SLC10A7: variants seen among roughly 807,000 people sequenced by gnomAD.
SLC10A7 encodes the protein sodium/bile acid cotransporter 7.
A neutral mutation model predicts 43.2 loss-of-function variants in SLC10A7; 29 were observed. The observed-to-expected ratio is 0.67, with a 90% CI of 0.50 to 0.92. The LOEUF (loss-of-function observed/expected upper bound fraction) is 0.92, where lower values mean the gene tolerates loss of function less well. Ranked by LOEUF, SLC10A7 falls within the 40% of genes least tolerant of loss-of-function variation. The pLI is 0.00. For synonymous variants in SLC10A7, 152 were observed against 144.8 expected (o/e 1.05, Z -0.35); for missense variants, 295 against 403.2 (o/e 0.73, Z 2.30).
At chr4:146,404,616 T>C (rs1739455043) in intron 5 of SLC10A7, among the ~76,000 whole-genome samples, 1 of 152,002 alleles carries the variant, frequency 6.6e-6, no homozygotes, top group African/African-American at 2.4e-5. Context: ...TCCTCACCTA[T>C]ATATTGCTTC....
chr4:146,304,876 T>A (rs1731437004), intron 7 of SLC10A7, among the ~76,000 whole-genome samples: 1 of 152,074 alleles, frequency 6.6e-6, no homozygotes, highest in Non-Finnish European at 1.5e-5. Context: ...TATTAATGTG[T>A]GGGAGTCTAA....
At chr4:146,497,668 T>C (rs963659063) in intron 4 of SLC10A7, among the ~76,000 whole-genome samples, 4 of 152,186 alleles carry the variant, frequency 2.6e-5, no homozygotes, top group Non-Finnish European at 4.4e-5. Context: ...AAACCCTACC[T>C]TTCTTGCTTT....
intron 5 of SLC10A7, among the ~76,000 whole-genome samples, chr4:146,398,294 C>T (rs976148286): frequency 6.6e-6 from 1 of 152,094 alleles, no homozygotes; most frequent in East Asian, 1.9e-4. Flanking sequence ...TACATACACT[C>T]GTATATACAC....
In SLC10A7 at chr4:146,296,809, T is replaced by A. The variant is rs1483938660; in HGVS notation, c.556-2714A>T. Among the ~76,000 whole-genome samples the A allele has an allele frequency of 3.3e-5, 5 of 152,266 alleles. No individual in the cohort carries two copies. The East Asian group carries it at 7.7e-4, about 23-fold the overall frequency. On this transcript the variant is annotated intron_variant, in intron 7 of 11. Transcript: ENST00000335472. ...AAATGTTTCATAAACAAAAACTGGG[T>A]GAAGTAGTGTTGACATGCCTCAAAG...
chr4:146,452,053 T>G (rs1310460332), intron 4 of SLC10A7, among the ~76,000 whole-genome samples: 1 of 152,060 alleles, frequency 6.6e-6, no homozygotes, highest in Non-Finnish European at 1.5e-5. Context: ...TTCTGGTACT[T>G]GAAGCCTGAC....
At chr4:146,340,275 A>G (rs1259474647) in intron 5 of SLC10A7, among the ~76,000 whole-genome samples, 1 of 151,834 alleles carries the variant, frequency 6.6e-6, no homozygotes, top group Non-Finnish European at 1.5e-5. Flanking sequence ...TAGCAAAAGG[A>G]AGAAGACTGT....
At chr4:146,432,144 G>T (rs1020272404) in intron 5 of SLC10A7, among the ~76,000 whole-genome samples, 6 of 152,292 alleles carry the variant, frequency 3.9e-5, no homozygotes, top group African/African-American at 1.4e-4. Flanking sequence ...TCAAGGGATG[G>T]CAAGGTTGTG....
chr4:146,270,678 C>T (rs1219507470), intron 10 of SLC10A7, among the ~76,000 whole-genome samples: 1 of 152,132 alleles, frequency 6.6e-6, no homozygotes, highest in Non-Finnish European at 1.5e-5. Flanking sequence ...AGTCAGAGGA[C>T]TCTGGAGGTA....
chr4:146,460,078 G>A (rs908143664), intron 4 of SLC10A7, among the ~76,000 whole-genome samples: 1 of 151,884 alleles, frequency 6.6e-6, no homozygotes, highest in African/African-American at 2.4e-5. Flanking sequence ...ATTAACACAT[G>A]AAAAGATCCT....
intron 9 of SLC10A7, among the ~76,000 whole-genome samples, chr4:146,287,103 C>CGTGTCTG (rs1730066592): frequency 9.2e-6 from 1 of 108,806 alleles, no homozygotes; most frequent in Non-Finnish European, 1.9e-5. Flanking sequence ...TGAGAAGGAC[C>CGTGTCTG]GAGTCTGGAG....
intron 10 of SLC10A7, among the ~76,000 whole-genome samples, chr4:146,278,073 C>T (rs1729321094): frequency 6.6e-6 from 1 of 152,090 alleles, no homozygotes; most frequent in Non-Finnish European, 1.5e-5. Flanking sequence ...AATTTTTGGT[C>T]TTCAAAGTGT....
intron 5 of SLC10A7, among the ~76,000 whole-genome samples, chr4:146,417,362 G>A (rs1444682740): frequency 6.6e-6 from 1 of 152,170 alleles, no homozygotes; most frequent in Non-Finnish European, 1.5e-5. Context: ...ATTTTAAGCA[G>A]AAAAATGACA....
intron 5 of SLC10A7, among the ~76,000 whole-genome samples, chr4:146,387,341 C>T (rs527657353): frequency 6.6e-6 from 1 of 152,202 alleles, no homozygotes; most frequent in African/African-American, 2.4e-5. Context: ...TGTGATTCGC[C>T]ACATAAACAG....
intron 5 of SLC10A7, among the ~76,000 whole-genome samples, chr4:146,335,251 TAA>T (rs34522588): frequency 6.7e-4 from 62 of 92,652 alleles, no homozygotes; most frequent in African/African-American, 1.7e-3. Flanking sequence ...ACAGATGTTG[TAA>T]AAAAAAAAAA....
intron 4 of SLC10A7, among the ~76,000 whole-genome samples, chr4:146,443,482 A>G (rs1730770283): frequency 6.6e-6 from 1 of 152,246 alleles, no homozygotes; most frequent in East Asian, 1.9e-4. Context: ...ATTTTAATTG[A>G]ATCACTATAT....
At chr4:146,385,626 A>T (rs951316042) in intron 5 of SLC10A7, among the ~76,000 whole-genome samples, 3 of 152,174 alleles carry the variant, frequency 2.0e-5, no homozygotes, top group African/African-American at 7.2e-5. Flanking sequence ...TTTTAGATGC[A>T]AGGGGTACAC....
chr4:146,422,434 A>G (rs1729028279), intron 5 of SLC10A7, among the ~76,000 whole-genome samples: 2 of 152,156 alleles, frequency 1.3e-5, no homozygotes, highest in South Asian at 4.1e-4. Context: ...GTCTTTACTT[A>G]TTTAGAAGAA....
intron 5 of SLC10A7, among the ~76,000 whole-genome samples, chr4:146,414,120 C>T (rs1560885607): frequency 6.6e-6 from 1 of 152,118 alleles, no homozygotes; most frequent in Non-Finnish European, 1.5e-5. Context: ...AGAACACGGG[C>T]TAGTCAACAG....
intron 4 of SLC10A7, among the ~76,000 whole-genome samples, chr4:146,500,056 A>T (rs1238815800): frequency 1.3e-5 from 2 of 152,224 alleles, no homozygotes; most frequent in Non-Finnish European, 2.9e-5. Flanking sequence ...ACCACAGTGC[A>T]TACTAGTCTA....
Sources: gnomAD v4.1 joint callset for allele counts (sites outside exome capture counted in the v4.1 genomes callset) on GRCh38, gnomAD v4.1.1 for gene constraint, MANE v1.5 for transcripts, NCBI Gene and HGNC (gene_info 2026-07-23, HGNC 2026-07-21) for gene names.